The following MAF variants were observed in gnomAD, a reference collection of about 807,000 sequenced individuals.
MAF encodes MAF bZIP transcription factor.
Under a neutral mutation model 22.0 loss-of-function variants are expected in MAF, and 10 were observed. That is an observed-to-expected ratio of 0.45 (90% confidence interval 0.28 to 0.77). The LOEUF (loss-of-function observed/expected upper bound fraction) is 0.77, where lower values mean the gene tolerates loss of function less well. Ranked by LOEUF, MAF falls within the 30% of genes least tolerant of loss-of-function variation. The pLI, the probability that MAF is intolerant of heterozygous loss-of-function variation, is 0.12. For missense variants in MAF, 544 were observed against 548.4 expected (o/e 0.99, Z 0.08); for synonymous variants, 337 against 255.8 (o/e 1.32, Z -3.03).
At chr16:79,272,148 T>C in the MAF span, among the ~76,000 whole-genome samples, 2 of 152,146 alleles carry the variant, frequency 1.3e-5, no homozygotes, top group Admixed American at 6.5e-5. Context: ...CACCAGGGCG[T>C]CTCTGATGAA....
At chr16:79,424,171 T>G in the MAF span, among the ~76,000 whole-genome samples, 5 of 152,186 alleles carry the variant, frequency 3.3e-5, no homozygotes, top group Non-Finnish European at 7.4e-5. Context: ...AGAGCTGGTC[T>G]TGGAAGGAAA....
the MAF span, among the ~76,000 whole-genome samples, chr16:79,259,989 G>C: frequency 6.6e-6 from 1 of 152,194 alleles, no homozygotes; most frequent in Non-Finnish European, 1.5e-5. Flanking sequence ...ACAGCACAGT[G>C]CATAGTGGGA....
At chr16:79,591,655 G>A (rs1913196652), downstream of MAF, among the ~76,000 whole-genome samples, 1 of 152,184 alleles carries the variant, frequency 6.6e-6, no homozygotes, top group Admixed American at 6.5e-5. Context: ...TTCATAGAAA[G>A]ATCTTATTTC....
the MAF span, among the ~76,000 whole-genome samples, chr16:79,576,231 TAAAAAAAA>T: frequency 5.2e-3 from 222 of 43,022 alleles, 1 homozygote; most frequent in African/African-American, 0.017. Flanking sequence ...CCTGTGGTAC[TAAAAAAAA>T]AAAAAAAAAA....
chr16:79,287,825 C>G, the MAF span, among the ~76,000 whole-genome samples: 1 of 152,170 alleles, frequency 6.6e-6, no homozygotes, highest in Non-Finnish European at 1.5e-5. Context: ...ATTTATTCAT[C>G]ACCTTGGGAG....
At chr16:79,256,622 T>C in the MAF span, among the ~76,000 whole-genome samples, 3 of 152,146 alleles carry the variant, frequency 2.0e-5, no homozygotes, top group Non-Finnish European at 4.4e-5. Context: ...ACCATGGACA[T>C]AGATCTTTGG....
chr16:79,526,913 G>C, the MAF span, among the ~76,000 whole-genome samples: 1 of 152,130 alleles, frequency 6.6e-6, no homozygotes, highest in African/African-American at 2.4e-5. Context: ...AAAATAGAAA[G>C]GGGGAATTTT....
chr16:79,417,394 A>G, the MAF span, among the ~76,000 whole-genome samples: 1 of 152,246 alleles, frequency 6.6e-6, no homozygotes, highest in African/African-American at 2.4e-5. Context: ...TCCTGGCAGT[A>G]TCTATCCCCA....
the MAF span, among the ~76,000 whole-genome samples, chr16:79,347,657 T>G: frequency 6.6e-6 from 1 of 152,094 alleles, no homozygotes; most frequent in Non-Finnish European, 1.5e-5. Flanking sequence ...ATGCTGGCAG[T>G]CAGCTCCGCC....
At chr16:79,409,775 AG>A in the MAF span, among the ~76,000 whole-genome samples, 1 of 152,224 alleles carries the variant, frequency 6.6e-6, no homozygotes, top group Non-Finnish European at 1.5e-5. Flanking sequence ...TACTCTACAG[AG>A]GCTAGATCAG....
the MAF span, among the ~76,000 whole-genome samples, chr16:79,513,956 A>G: frequency 6.6e-6 from 1 of 152,196 alleles, no homozygotes; most frequent in Non-Finnish European, 1.5e-5. Flanking sequence ...CAAAGGAAAG[A>G]ATGGAATCAA....
the MAF span, among the ~76,000 whole-genome samples, chr16:79,376,502 G>T: frequency 6.6e-6 from 1 of 151,892 alleles, no homozygotes; most frequent in Non-Finnish European, 1.5e-5. Flanking sequence ...GTTTAGTTGA[G>T]AATACATTAT....
the MAF span, among the ~76,000 whole-genome samples, chr16:79,496,994 G>T: frequency 6.6e-6 from 1 of 152,100 alleles, no homozygotes; most frequent in African/African-American, 2.4e-5. Flanking sequence ...TTAAGTGAGT[G>T]TAACAATTTA....
the MAF span, among the ~76,000 whole-genome samples, chr16:79,482,854 C>T: frequency 8.0e-6 from 1 of 125,472 alleles, no homozygotes; most frequent in Non-Finnish European, 1.7e-5. Context: ...CCCTCCCCTC[C>T]CCTCCCTCCC....
the MAF span, among the ~76,000 whole-genome samples, chr16:79,214,174 C>G: frequency 6.6e-6 from 1 of 152,142 alleles, no homozygotes. Flanking sequence ...TATTTTTTCT[C>G]CACAACACTT....
chr16:79,411,626 C>A, the MAF span, among the ~76,000 whole-genome samples: 1 of 152,198 alleles, frequency 6.6e-6, no homozygotes, highest in African/African-American at 2.4e-5. Flanking sequence ...AATTACAAGT[C>A]ATTACAAGAT....
At chr16:79,513,979 C>G in the MAF span, among the ~76,000 whole-genome samples, 4 of 152,278 alleles carry the variant, frequency 2.6e-5, no homozygotes, top group African/African-American at 4.8e-5. Context: ...AAAAGAACAC[C>G]TTCCCCCCAC....
At chr16:79,522,681 G>A in the MAF span, among the ~76,000 whole-genome samples, 1 of 152,168 alleles carries the variant, frequency 6.6e-6, no homozygotes, top group South Asian at 2.1e-4. Context: ...AAAGTGCTCT[G>A]GGAGTACAGA....
chr16:79,326,990 T>G, the MAF span, among the ~76,000 whole-genome samples: 1 of 152,208 alleles, frequency 6.6e-6, no homozygotes, highest in Non-Finnish European at 1.5e-5. Flanking sequence ...AGGCAATTCA[T>G]AACGTCCTAG....
Sources: gnomAD v4.1 joint callset for allele counts (sites outside exome capture counted in the v4.1 genomes callset) on GRCh38, gnomAD v4.1.1 for gene constraint, MANE v1.5 for transcripts, NCBI Gene and HGNC (gene_info 2026-07-23, HGNC 2026-07-21) for gene names.